Variants in TNIK observed in about 807,000 individuals in gnomAD.
The protein encoded by TNIK is TRAF2 and NCK-interacting protein kinase.
In TNIK, 49 loss-of-function variants were observed where a neutral mutation model predicts 191.3. The ratio of observed to expected loss-of-function variants is 0.26; its 90% CI spans 0.20 to 0.32. The LOEUF (loss-of-function observed/expected upper bound fraction) is 0.32. TNIK is among the 10% of genes least tolerant of loss of function. TNIK has a pLI of 1.00. For synonymous variants in TNIK, 594 were observed against 600.9 expected (o/e 0.99, Z 0.17); for missense variants, 1,155 against 1,702.3 (o/e 0.68, Z 5.66).
intron 2 of TNIK, among the ~76,000 whole-genome samples, chr3:171,257,543 G>T (rs1747038617): frequency 6.6e-6 from 1 of 152,182 alleles, no homozygotes; most frequent in African/African-American, 2.4e-5. Context: ...GCTCATCACA[G>T]CACTCTGTCC....
At chr3:171,362,421 C>A (rs567178094) in intron 2 of TNIK, among the ~76,000 whole-genome samples, 16 of 152,110 alleles carry the variant, frequency 1.1e-4, no homozygotes, top group African/African-American at 3.6e-4. Flanking sequence ...ATTTTTGCAC[C>A]ATCCTAATAT....
intron 4 of TNIK, among the ~76,000 whole-genome samples, chr3:171,200,956 C>T (rs778590226): frequency 2.0e-5 from 3 of 152,150 alleles, no homozygotes; most frequent in Non-Finnish European, 4.4e-5. Flanking sequence ...GTCAGTCACC[C>T]ACAAGAATAA....
intron 1 of TNIK, among the ~76,000 whole-genome samples, chr3:171,408,547 A>ATC (rs1271974624): frequency 6.6e-6 from 1 of 152,198 alleles, no homozygotes; most frequent in Non-Finnish European, 1.5e-5. Flanking sequence ...GCCGATCTGG[A>ATC]TCCAATTCAG....
chr3:171,174,431 C>G (rs1235793931), intron 9 of TNIK, among the ~76,000 whole-genome samples: 2 of 152,208 alleles, frequency 1.3e-5, no homozygotes, highest in East Asian at 3.9e-4. Flanking sequence ...ATCCGAGATT[C>G]AAGAATGTAT....
intron 21 of TNIK, among the ~76,000 whole-genome samples, chr3:171,105,935 G>A (rs1724777400): frequency 6.6e-6 from 1 of 152,220 alleles, no homozygotes; most frequent in Non-Finnish European, 1.5e-5. Context: ...AGAGGGGCAA[G>A]CAAGGCCACG....
chr3:171,453,405 T>G (rs1401855623), intron 1 of TNIK, among the ~76,000 whole-genome samples: 5 of 151,962 alleles, frequency 3.3e-5, no homozygotes, highest in South Asian at 2.1e-4. Context: ...GAAAGGAGAC[T>G]AAGACAGAGC....
intron 9 of TNIK, among the ~76,000 whole-genome samples, chr3:171,172,153 TCA>T (rs1162345799): frequency 1.3e-5 from 2 of 152,284 alleles, no homozygotes; most frequent in South Asian, 4.1e-4. Flanking sequence ...AAAAAAAAGT[TCA>T]CACTAAGAGA....
chr3:171,058,780 C>T lies in TNIK; in HGVS notation c.*5101G>A, dbSNP rs1181531094. Among the ~76,000 whole-genome samples, 1 of 152,202 alleles carries T rather than the reference C, an allele frequency of 6.6e-6. No individual in the cohort carries two copies. Among genetic ancestry groups the T allele is most frequent in the African/African-American group, 2.4e-5 (1 of 41,458 alleles). On this transcript the variant is annotated 3_prime_UTR_variant, in exon 33 of 33. Transcript: ENST00000436636. The stretch of plus-strand genomic sequence containing the variant: ...TTCTGATATTATACATTTGGCATCT[C>T]TCTACAGTTATATTAACATAAATAA...
intron 2 of TNIK, among the ~76,000 whole-genome samples, chr3:171,271,237 C>G (rs1023339753): frequency 6.6e-6 from 1 of 152,206 alleles, no homozygotes; most frequent in African/African-American, 2.4e-5. Flanking sequence ...ATAGTTCTAG[C>G]ATTTACTTGC....
intron 2 of TNIK, among the ~76,000 whole-genome samples, chr3:171,342,913 G>A (rs1260102585): frequency 6.6e-6 from 1 of 152,138 alleles, no homozygotes; most frequent in Non-Finnish European, 1.5e-5. Flanking sequence ...AGTCTCATGA[G>A]ATCTGATGGT....
Position 171,140,647 on chromosome 3 carries a change from C to T in TNIK, c.1222-138G>A, listed in dbSNP as rs530826803. 33 of 741,378 alleles carry T rather than the reference C, an allele frequency of 4.5e-5. No individual in the cohort carries two copies. In the East Asian group the frequency reaches 5.3e-4, roughly 12 times the overall value. 45.9% of individuals were successfully genotyped at this position (741,378 alleles called of 1,614,324 possible). ...CTAAATGCTCCAAGGTTCTTCTCTC[C>T]GGGGCTGTTGGAGGGTACACTGGCA... is the stretch of plus-strand genomic sequence containing the variant. On this transcript the variant is annotated intron_variant, in intron 12 of 32. Coordinates refer to ENST00000436636, the MANE Select transcript of TNIK (RefSeq NM_015028.4).
At chr3:171,284,683 T>C (rs942563376) in intron 2 of TNIK, among the ~76,000 whole-genome samples, 1 of 152,184 alleles carries the variant, frequency 6.6e-6, no homozygotes, top group Non-Finnish European at 1.5e-5. Flanking sequence ...CCTTTTGCCT[T>C]TGTTGTTTCC....
At chr3:171,343,493 A>G (rs1413718005) in intron 2 of TNIK, among the ~76,000 whole-genome samples, 1 of 152,196 alleles carries the variant, frequency 6.6e-6, no homozygotes, top group Non-Finnish European at 1.5e-5. Flanking sequence ...CAGTAATTAA[A>G]TGTGCCCAGG....
chr3:171,421,112 G>T (rs12495788), intron 1 of TNIK, among the ~76,000 whole-genome samples: 104,414 of 152,094 alleles, frequency 0.69, 35,964 homozygotes, highest in Middle Eastern at 0.81. Flanking sequence ...GAAAGACCAG[G>T]TTAGACAGTA....
chr3:171,140,559 G>A (rs1469591014), intron 12 of TNIK, 50 bp from the exon 13 acceptor site: 22 of 1,562,600 alleles, frequency 1.4e-5, no homozygotes, highest in South Asian at 3.3e-5. Flanking sequence ...CCCGGTGGGG[G>A]GTGTCAGGGA....
Position 171,139,513 on chromosome 3 carries a change from TCTAA to T in TNIK, c.1372_1375del (p.Leu458ArgfsTer35). On this transcript the variant is annotated frameshift_variant, in exon 14 of 33. Coordinates refer to ENST00000436636, the MANE Select transcript of TNIK (RefSeq NM_015028.4). LOFTEE classifies it high-confidence loss of function. ...ATGCAGTAGCTGCTGCTGCAAGATC[TCTAA>T]CTGTCTCTGCTCCTCCTCTAACTGT... The T allele has an allele frequency of 6.2e-7, 1 of 1,613,788 alleles. No homozygotes were observed. Among genetic ancestry groups the T allele is most frequent in the Non-Finnish European group, 8.5e-7 (1 of 1,179,762 alleles).
intron 23 of TNIK, 35 bp from the exon 24 acceptor site, chr3:171,087,541 G>C (rs776916669): frequency 1.9e-6 from 3 of 1,603,872 alleles, no homozygotes; most frequent in Non-Finnish European, 2.6e-6. Context: ...GAGTTAGAGA[G>C]GGGGGAAAAA....
intron 1 of TNIK, among the ~76,000 whole-genome samples, chr3:171,394,804 A>G (rs1720014636): frequency 6.6e-6 from 1 of 152,160 alleles, no homozygotes; most frequent in Non-Finnish European, 1.5e-5. Context: ...CTGCTATTCT[A>G]TCCATCTGGC....
At chr3:171,278,610 TG>T (rs1475354039) in intron 2 of TNIK, among the ~76,000 whole-genome samples, 6 of 152,288 alleles carry the variant, frequency 3.9e-5, no homozygotes, top group African/African-American at 1.4e-4. Context: ...ATCCAATTCA[TG>T]GGAAGACCAA....
Sources: allele counts gnomAD v4.1 joint callset (sites outside exome capture counted in the v4.1 genomes callset), GRCh38; gene constraint gnomAD v4.1.1; transcripts MANE v1.5; gene names NCBI Gene and HGNC (gene_info 2026-07-23, HGNC 2026-07-21).